Variants in ROBO1 observed in about 807,000 individuals in gnomAD.
ROBO1 encodes the protein roundabout guidance receptor 1, also known as roundabout homolog 1.
Under a neutral mutation model 195.9 loss-of-function variants are expected in ROBO1, and 149 were observed. The ratio of observed to expected loss-of-function variants is 0.76; its 90% confidence interval spans 0.67 to 0.87. ROBO1 has a LOEUF of 0.87. Among genes scored for constraint, ROBO1 ranks in the 40% least tolerant of loss-of-function variants. The probability of loss-of-function intolerance (pLI) is 0.00; values close to 1 mark genes in which losing one functional copy is unlikely to be tolerated. For synonymous variants in ROBO1, 816 were observed against 733.2 expected, an observed-to-expected ratio of 1.11 and a Z score of -1.82; for missense variants, 1,933 against 2,068.3, an observed-to-expected ratio of 0.93 and a Z score of 1.27.
At chr3:79,207,938 T>TTAA (rs1491489228) in intron 2 of ROBO1, among the ~76,000 whole-genome samples, 3 of 152,176 alleles carry the variant, frequency 2.0e-5, no homozygotes, top group Non-Finnish European at 4.4e-5. Context: ...AAATCATCTC[T>TTAA]TAATAATTCA....
In ROBO1 at chr3:78,651,622, A is replaced by G. The variant is rs958260095; in HGVS notation, c.2812+110T>C. On this transcript the variant is annotated intron_variant, in intron 19 of 30. Coordinates refer to ENST00000464233, the MANE Select transcript of ROBO1 (RefSeq NM_002941.4). ...AACGCACTTTTGAAAATCTTTATATATTAAAACAAGTTTTAGAGGATATGC... is the reference window on the plus strand; with the variant it reads ...AACGCACTTTTGAAAATCTTTATATGTTAAAACAAGTTTTAGAGGATATGC... 22 of 831,644 alleles carry G rather than the reference A, an allele frequency of 2.6e-5. No homozygotes were observed. The Admixed American group carries it at 4.5e-4, about 17-fold the overall frequency. 51.5% of individuals were successfully genotyped at this position (831,644 alleles called of 1,614,324 possible). A position where few individuals can be genotyped will look rare whatever the true frequency, so the allele number is the denominator to read the frequency against.
At position 79,381,374 on chromosome 3, in the gene ROBO1, A is replaced by G. The variant is rs1161232536; in HGVS notation, c.88+208450T>C. Among the ~76,000 whole-genome samples the G allele has an allele frequency of 4.7e-4, 35 of 74,036 alleles. No homozygotes were observed. The South Asian group carries it at 9.1e-3, about 19-fold the overall frequency. 48.6% of individuals were successfully genotyped at this position (74,036 alleles called of 152,430 possible). The stretch of plus-strand genomic sequence containing the variant: ...CCGTCTCAAAAAAAAAAAAAAAAAA[A>G]AAAGAAAAGAAAAGAAAAGAAAAGA... On this transcript the variant is annotated intron_variant, in intron 2 of 30. Transcript: ENST00000464233.
intron 4 of ROBO1, among the ~76,000 whole-genome samples, chr3:78,878,358 G>A (rs2035974566): frequency 6.6e-6 from 1 of 151,986 alleles, no homozygotes; most frequent in African/African-American, 2.4e-5. Context: ...GGCTGAGACG[G>A]GTGGATCTCC....
chr3:78,982,717 C>T (rs1044270470), intron 3 of ROBO1, among the ~76,000 whole-genome samples: 2 of 151,960 alleles, frequency 1.3e-5, no homozygotes, highest in Admixed American at 6.6e-5. Flanking sequence ...AAACATCCAC[C>T]CCCCAGGTTC....
intron 4 of ROBO1, among the ~76,000 whole-genome samples, chr3:78,877,866 A>G (rs2035946281): frequency 2.0e-5 from 3 of 152,192 alleles, no homozygotes; most frequent in Admixed American, 2.0e-4. Context: ...ATTGTCTCAC[A>G]CTTCTTGAAT....
chr3:79,002,979 C>T (rs759337081), intron 3 of ROBO1, among the ~76,000 whole-genome samples: 13 of 152,038 alleles, frequency 8.6e-5, no homozygotes, highest in South Asian at 6.2e-4. Context: ...TTCCCCAATG[C>T]TAAAGAGCTG....
chr3:78,830,981 C>T (rs532775292), intron 4 of ROBO1, among the ~76,000 whole-genome samples: 4 of 152,002 alleles, frequency 2.6e-5, no homozygotes, highest in African/African-American at 4.8e-5. Context: ...GGCAGGGTCC[C>T]GGCTCACTGC....
intron 1 of ROBO1, among the ~76,000 whole-genome samples, chr3:79,765,673 G>A (rs1559566816): frequency 6.6e-6 from 1 of 152,092 alleles, no homozygotes; most frequent in Non-Finnish European, 1.5e-5. Context: ...TTATATCCTA[G>A]TTCCCAAACA....
chr3:79,220,826 C>T (rs1236566930), intron 2 of ROBO1, among the ~76,000 whole-genome samples: 1 of 152,050 alleles, frequency 6.6e-6, no homozygotes, highest in Non-Finnish European at 1.5e-5. Context: ...GTTTTGTTCA[C>T]TGCGGATCAG....
intron 3 of ROBO1, among the ~76,000 whole-genome samples, chr3:79,099,049 A>G (rs925267101): frequency 2.6e-5 from 4 of 151,804 alleles, no homozygotes; most frequent in African/African-American, 9.7e-5. Flanking sequence ...TTTTTATATG[A>G]CAAAAAGAAA....
chr3:79,678,136 T>C (rs886937838), intron 1 of ROBO1, among the ~76,000 whole-genome samples: 1 of 152,100 alleles, frequency 6.6e-6, no homozygotes, highest in African/African-American at 2.4e-5. Flanking sequence ...TTAAAAAATC[T>C]GGCTGTATCA....
At chr3:78,868,405 T>C (rs532532393) in intron 4 of ROBO1, among the ~76,000 whole-genome samples, 1 of 152,058 alleles carries the variant, frequency 6.6e-6, no homozygotes, top group Non-Finnish European at 1.5e-5. Context: ...CCAAAAAAGT[T>C]GACATTACCC....
intron 4 of ROBO1, among the ~76,000 whole-genome samples, chr3:78,790,794 T>C (rs943646180): frequency 6.6e-6 from 1 of 152,170 alleles, no homozygotes; most frequent in African/African-American, 2.4e-5. Context: ...CTGTCCAATA[T>C]TCACATTTTG....
At chr3:79,027,189 G>A (rs1166900148) in intron 3 of ROBO1, among the ~76,000 whole-genome samples, 2 of 152,036 alleles carry the variant, frequency 1.3e-5, no homozygotes, top group African/African-American at 4.8e-5. Context: ...TGGGCAAGAA[G>A]TACTATGTTC....
chr3:79,107,338 A>G (rs1182704729), intron 3 of ROBO1, among the ~76,000 whole-genome samples: 2 of 151,872 alleles, frequency 1.3e-5, no homozygotes, highest in East Asian at 3.9e-4. Flanking sequence ...TCATTTTATC[A>G]CACAAGGATT....
At chr3:78,921,180 T>TA (rs1413039274) in intron 4 of ROBO1, among the ~76,000 whole-genome samples, 2 of 152,186 alleles carry the variant, frequency 1.3e-5, no homozygotes, top group Non-Finnish European at 2.9e-5. Context: ...TCCTCAACTA[T>TA]AAAAAACTTA....
chr3:78,680,121 C>A (rs551323270), intron 10 of ROBO1, among the ~76,000 whole-genome samples: 1 of 152,290 alleles, frequency 6.6e-6, no homozygotes, highest in African/African-American at 2.4e-5. Context: ...GGAAAACTGG[C>A]TAGTCATATG....
rs1219184980 is a variant in ROBO1 at position 78,651,782 on chromosome 3, T to C, written c.2762A>G (p.His921Arg). 1 of 1,613,590 alleles carries C rather than the reference T, an allele frequency of 6.2e-7. No homozygotes were observed. The highest frequency in any genetic ancestry group is 1.1e-5 in the South Asian group (1 of 91,054). ...LMVFSIWLYRHRKKRNGLTST... is the reference protein window; with the variant it reads ...LMVFSIWLYRRRKKRNGLTST... ...AGTAAGTCCGTTTCTCTTCTTGCGG[T>C]GTCGATAAAGCCAGATGCTGAAGAC... The change falls in exon 19 of 31, where the codon CAC becomes CGC. Residue 921 changes from histidine to arginine, a missense_variant. His to Arg is a conservative substitution (Grantham distance 29, BLOSUM62 0). Coordinates refer to ENST00000464233, the MANE Select transcript of ROBO1 (RefSeq NM_002941.4).
At chr3:79,338,103 G>C (rs1407640088) in intron 2 of ROBO1, among the ~76,000 whole-genome samples, 1 of 152,072 alleles carries the variant, frequency 6.6e-6, no homozygotes. Flanking sequence ...AATTTAAAAA[G>C]TGTTGAATTC....
Sources: gnomAD v4.1 joint callset for allele counts (sites outside exome capture counted in the v4.1 genomes callset) on GRCh38, gnomAD v4.1.1 for gene constraint, MANE v1.5 for transcripts, NCBI Gene and HGNC (gene_info 2026-07-23, HGNC 2026-07-21) for gene names.